Variants in RBM33 observed in about 807,000 individuals in gnomAD.
The protein encoded by RBM33 is RNA binding motif protein 33, also known as RNA-binding protein 33.
In RBM33, 28 loss-of-function variants were observed where a neutral mutation model predicts 132.6. That is an observed-to-expected ratio of 0.21 (90% CI 0.16 to 0.29). The LOEUF is 0.29. Among genes scored for constraint, RBM33 ranks in the 10% least tolerant of loss-of-function variants. RBM33 has a pLI of 1.00. For synonymous variants in RBM33, 634 were observed against 593.0 expected, an observed-to-expected ratio of 1.07 and a Z score of -1.01; for missense variants, 1,291 against 1,518.5, an observed-to-expected ratio of 0.85 and a Z score of 2.49.
rs1415733715 is a variant in RBM33, at chr7:155,774,932, C to T, written c.3465-61C>T. Reference sequence around the variant, plus strand: ...CCGGGCTCTTTTAGTTTCCTCCCACCTTGGTAGGTTGATTGCCGATGTGCA... The same window carrying T: ...CCGGGCTCTTTTAGTTTCCTCCCACTTTGGTAGGTTGATTGCCGATGTGCA... On this transcript the variant is annotated intron_variant, in intron 17 of 17. Coordinates refer to ENST00000401878, the MANE Select transcript of RBM33 (RefSeq NM_053043.3). This position sits in a 1 kb window ranked among gnomAD's most constrained non-coding sequence, Gnocchi z 4.2. 1 of 1,519,406 alleles carries T rather than the reference C, an allele frequency of 6.6e-7. No homozygotes were observed. The highest frequency in any genetic ancestry group is 9.1e-7 in the Non-Finnish European group (1 of 1,094,540). The allele number at this position is 1,519,406 out of a possible 1,614,324, so 94.1% of individuals were successfully genotyped here.
intron 2 of RBM33, among the ~76,000 whole-genome samples, chr7:155,669,388 CAG>C (rs1798884761): frequency 6.6e-6 from 1 of 152,150 alleles, no homozygotes; most frequent in African/African-American, 2.4e-5. Flanking sequence ...TTTTTTGAGA[CAG>C]AGTCTGCTCT....
chr7:155,673,459 CAT>C lies in RBM33; in HGVS notation c.171+554_171+555del, dbSNP rs568403408. ...GTGTGTGTATGTGTATATATACCCA[CAT>C]ATATATATACATACACGTGTGTATA... On this transcript the variant is annotated intron_variant, in intron 3 of 17. Coordinates refer to ENST00000401878, the MANE Select transcript of RBM33 (RefSeq NM_053043.3). Among the ~76,000 whole-genome samples, 306 of 140,888 alleles carry C rather than the reference CAT, an allele frequency of 2.2e-3. 4 individuals carry two copies. The highest frequency in any genetic ancestry group is 7.8e-3 in the Middle Eastern group (2 of 256). The allele number at this position is 140,888 out of a possible 152,430, so 92.4% of individuals were successfully genotyped here.
chr7:155,714,936 G>A (rs1045086378), intron 8 of RBM33, among the ~76,000 whole-genome samples: 2 of 152,110 alleles, frequency 1.3e-5, no homozygotes, highest in East Asian at 1.9e-4. Context: ...AGGGAGGGGG[G>A]CGCCTCTTGA....
At chr7:155,741,331 GT>G (rs1350668839) in intron 12 of RBM33, among the ~76,000 whole-genome samples, 1 of 151,598 alleles carries the variant, frequency 6.6e-6, no homozygotes, top group Non-Finnish European at 1.5e-5. Flanking sequence ...CGAGTAAAAC[GT>G]TCTGGCACCT....
chr7:155,730,084 A>G (rs1433642680), intron 9 of RBM33, among the ~76,000 whole-genome samples: 1 of 152,202 alleles, frequency 6.6e-6, no homozygotes, highest in Non-Finnish European at 1.5e-5. Context: ...TCATTCATCC[A>G]TTAAATATTT....
chr7:155,670,651 G>A (rs559958764), intron 2 of RBM33, among the ~76,000 whole-genome samples: 1 of 152,282 alleles, frequency 6.6e-6, no homozygotes, highest in South Asian at 2.1e-4. Context: ...TACCTGAGAG[G>A]GGTATTATGT....
At chr7:155,663,197 TTTTC>T (rs200898030) in intron 1 of RBM33, among the ~76,000 whole-genome samples, 4,287 of 133,358 alleles carry the variant, frequency 0.032, 200 homozygotes, top group African/African-American at 0.1. Flanking sequence ...TTGGATTTTC[TTTTC>T]TTTCTTTCTT....
rs148874231 is a variant in RBM33 at position 155,728,583 on chromosome 7, C to G, written c.1261-8947C>G. Among the ~76,000 whole-genome samples, 337 of 152,270 alleles carry G rather than the reference C, an allele frequency of 2.2e-3. 2 individuals are homozygous for G. Among genetic ancestry groups the G allele is most frequent in the African/African-American group, 7.6e-3 (316 of 41,554 alleles). On this transcript the variant is annotated intron_variant, in intron 9 of 17. Transcript: ENST00000401878. ...TTTAATGCAGCTCTTGTAGATTGATCAGGTGAGTACTGATAATTTCTTTTA... is the reference window on the plus strand; with the variant it reads ...TTTAATGCAGCTCTTGTAGATTGATGAGGTGAGTACTGATAATTTCTTTTA...
Position 155,644,759 on chromosome 7 carries a change from C to A in RBM33, c.-118C>A. 1.2e-6 allele frequency: 1 copy of A among 822,282 alleles called. No individual in the cohort carries two copies. The highest frequency in any genetic ancestry group is 1.8e-6 in the Non-Finnish European group (1 of 570,558). The allele number at this position is 822,282 out of a possible 1,614,324, so 50.9% of individuals were successfully genotyped here. ...CGCGAAGCGCCCGGCTTCGCCTCTGCCTCCTGCAGCCCCCTCCCTTCTCTG... is the reference window on the plus strand; with the variant it reads ...CGCGAAGCGCCCGGCTTCGCCTCTGACTCCTGCAGCCCCCTCCCTTCTCTG... On this transcript the variant is annotated 5_prime_UTR_variant, in exon 1 of 18. Coordinates refer to ENST00000401878, the MANE Select transcript of RBM33 (RefSeq NM_053043.3).
At position 155,732,737 on chromosome 7, in the gene RBM33, G is replaced by A. The variant is rs761059479; in HGVS notation, c.1261-4793G>A. On this transcript the variant is annotated intron_variant, in intron 9 of 17. Transcript: ENST00000401878. ...GCAGAGAAGAGGGGGAAGGAAGTGCGGCAAGGATGCCGAGGGCCTTGCAGG... is the reference window on the plus strand; with the variant it reads ...GCAGAGAAGAGGGGGAAGGAAGTGCAGCAAGGATGCCGAGGGCCTTGCAGG... Among the ~76,000 whole-genome samples the A allele has an allele frequency of 8.5e-5, 13 of 152,298 alleles. No homozygotes were observed. The Middle Eastern group carries it at 0.01, about 120-fold the overall frequency.
At chr7:155,726,260 T>C (rs1452245057) in intron 9 of RBM33, among the ~76,000 whole-genome samples, 1 of 152,200 alleles carries the variant, frequency 6.6e-6, no homozygotes, top group Non-Finnish European at 1.5e-5. Context: ...ACTGACCCTT[T>C]TAGGGAAGCT....
In RBM33 at chr7:155,700,546, C is replaced by CTTTT. The variant is rs529323301; in HGVS notation, c.568-201_568-198dup. Reference sequence around the variant, plus strand: ...TATTAATTGCAAGCAAGAATTTGACCTTTTTTTTTTTTTTTTTTTTTTTTT... The same window carrying CTTTT: ...TATTAATTGCAAGCAAGAATTTGACCTTTTTTTTTTTTTTTTTTTTTTTTTTTTT... On this transcript the variant is annotated intron_variant, in intron 5 of 17. Transcript: ENST00000401878. Among the ~76,000 whole-genome samples, 377 of 85,572 alleles carry CTTTT rather than the reference C, an allele frequency of 4.4e-3. 23 individuals are homozygous for CTTTT. The highest frequency in any genetic ancestry group is 6.9e-3 in the Non-Finnish European group (302 of 43,990). The allele number at this position is 85,572 out of a possible 152,430, so 56.1% of individuals were successfully genotyped here.
intron 5 of RBM33, among the ~76,000 whole-genome samples, chr7:155,689,310 G>T (rs1477169022): frequency 6.6e-6 from 1 of 152,142 alleles, no homozygotes; most frequent in African/African-American, 2.4e-5. Flanking sequence ...TGTGGGATCG[G>T]TGGTGATATC....
chr7:155,729,742 CA>C (rs5888634), intron 9 of RBM33, among the ~76,000 whole-genome samples: 5,892 of 101,328 alleles, frequency 0.058, 344 homozygotes, highest in African/African-American at 0.16. Context: ...GTCTCTTTAA[CA>C]AAAAAAAAAA....
At chr7:155,652,995 T>C (rs1222583761) in intron 1 of RBM33, among the ~76,000 whole-genome samples, 5 of 152,252 alleles carry the variant, frequency 3.3e-5, no homozygotes, top group Admixed American at 6.5e-5. Flanking sequence ...CTTAGCATGA[T>C]GTCTTCAAGA....
At chr7:155,702,514 A>C (rs1190545044) in intron 6 of RBM33, among the ~76,000 whole-genome samples, 4 of 152,236 alleles carry the variant, frequency 2.6e-5, no homozygotes, top group African/African-American at 9.6e-5. Context: ...CATTGGCCTT[A>C]GGTGAAAGAT....
intron 5 of RBM33, among the ~76,000 whole-genome samples, chr7:155,682,909 T>G (rs1480511173): frequency 6.6e-6 from 1 of 152,140 alleles, no homozygotes; most frequent in Non-Finnish European, 1.5e-5. Flanking sequence ...TCTTGTGGTC[T>G]AAGATTCAGG....
chr7:155,714,739 G>T (rs1031187772), intron 8 of RBM33, among the ~76,000 whole-genome samples: 2 of 152,176 alleles, frequency 1.3e-5, no homozygotes, highest in African/African-American at 4.8e-5. Context: ...GGGAATTTGG[G>T]ATTCCTAAGG....
At chr7:155,690,230 T>C (rs1220526190) in intron 5 of RBM33, among the ~76,000 whole-genome samples, 2 of 152,220 alleles carry the variant, frequency 1.3e-5, no homozygotes, top group Admixed American at 6.5e-5. Flanking sequence ...TGTAATGCCC[T>C]TCTTTGTCTC....
Sources: allele counts gnomAD v4.1 joint callset (sites outside exome capture counted in the v4.1 genomes callset), GRCh38; gene constraint gnomAD v4.1.1; non-coding constraint Gnocchi (gnomAD v3.1); transcripts MANE v1.5; gene names NCBI Gene and HGNC (gene_info 2026-07-23, HGNC 2026-07-21).